Variants in ROBO1 observed in about 807,000 individuals in gnomAD.
The protein encoded by ROBO1 is roundabout homolog 1.
ROBO1 carries 149 observed loss-of-function variants against 195.9 expected under a neutral mutation model. That is an observed-to-expected ratio of 0.76 (90% CI 0.67 to 0.87). ROBO1 has a LOEUF of 0.87. ROBO1 is among the 40% of genes least tolerant of loss of function. The pLI is 0.00. For synonymous variants in ROBO1, 816 were observed against 733.2 expected (o/e 1.11, Z -1.82); for missense variants, 1,933 against 2,068.3 (o/e 0.93, Z 1.27).
chr3:79,625,422 T>TTAAAAAAAAAAAAAAAAAAAAAA (rs1945136215), intron 1 of ROBO1, among the ~76,000 whole-genome samples: 1 of 3,980 alleles, frequency 2.5e-4, no homozygotes, highest in Admixed American at 3.6e-3. Flanking sequence ...CTGTTTTTTT[T>TTAAAAAAAAAAAAAAAAAAAAAA]GAAAAAAAAA....
chr3:79,506,737 C>T (rs997049369), intron 2 of ROBO1, among the ~76,000 whole-genome samples: 5 of 152,080 alleles, frequency 3.3e-5, no homozygotes, highest in African/African-American at 1.2e-4. Flanking sequence ...GTCACTGTGC[C>T]CGGCTGAGAC....
chr3:79,100,811 G>T (rs137980817), intron 3 of ROBO1, among the ~76,000 whole-genome samples: 2 of 151,894 alleles, frequency 1.3e-5, no homozygotes, highest in East Asian at 3.9e-4. Flanking sequence ...AAGACTTCAA[G>T]ATAAGACTAT....
chr3:79,264,122 C>A (rs2082990557), intron 2 of ROBO1, among the ~76,000 whole-genome samples: 1 of 151,952 alleles, frequency 6.6e-6, no homozygotes, highest in African/African-American at 2.4e-5. Context: ...TGATGTTAGT[C>A]CAAGCTTTGT....
chr3:79,495,111 T>G (rs556279229), intron 2 of ROBO1, among the ~76,000 whole-genome samples: 1 of 152,298 alleles, frequency 6.6e-6, no homozygotes, highest in African/African-American at 2.4e-5. Context: ...AAAGCATGAT[T>G]ATATCTCTAG....
At chr3:78,642,059 C>A (rs973665715) in intron 21 of ROBO1, among the ~76,000 whole-genome samples, 1 of 151,836 alleles carries the variant, frequency 6.6e-6, no homozygotes, top group Non-Finnish European at 1.5e-5. Context: ...GTTCTAAGGT[C>A]TTTTTTTAAA....
intron 7 of ROBO1, among the ~76,000 whole-genome samples, chr3:78,715,472 C>T (rs1314506875): frequency 6.6e-6 from 1 of 152,140 alleles, no homozygotes; most frequent in Non-Finnish European, 1.5e-5. Flanking sequence ...AATCGTGTCC[C>T]TGCCACTAGC....
intron 1 of ROBO1, among the ~76,000 whole-genome samples, chr3:79,740,338 T>A (rs9309832): frequency 0.61 from 91,182 of 150,468 alleles, 27,850 homozygotes; most frequent in South Asian, 0.7. Flanking sequence ...CTTATGGGAA[T>A]CCATTAATAA....
intron 1 of ROBO1, among the ~76,000 whole-genome samples, chr3:79,620,908 G>A (rs963552426): frequency 7.2e-5 from 11 of 152,004 alleles, no homozygotes; most frequent in African/African-American, 2.7e-4. Flanking sequence ...TGTCCTACCT[G>A]TCCAGAAACT....
chr3:78,653,857 A>G (rs1324396660), intron 18 of ROBO1, among the ~76,000 whole-genome samples: 1 of 152,194 alleles, frequency 6.6e-6, no homozygotes, highest in African/African-American at 2.4e-5. Context: ...GCTGTCTGCC[A>G]GGATTAAAAA....
chr3:79,740,956 C>A (rs2107420794), intron 1 of ROBO1, among the ~76,000 whole-genome samples: 1 of 152,222 alleles, frequency 6.6e-6, no homozygotes, highest in South Asian at 2.1e-4. Context: ...TTGTGAAATA[C>A]TATTTTCTCT....
At chr3:79,533,609 C>T (rs887240864) in intron 2 of ROBO1, among the ~76,000 whole-genome samples, 43 of 152,160 alleles carry the variant, frequency 2.8e-4, no homozygotes, top group African/African-American at 8.9e-4. Context: ...CCTTTCTGCC[C>T]TTTAAGTGCA....
chr3:78,716,974 C>CA (rs2108070129), intron 7 of ROBO1, among the ~76,000 whole-genome samples: 1 of 152,074 alleles, frequency 6.6e-6, no homozygotes, highest in South Asian at 2.1e-4. Context: ...ACTACCAAAC[C>CA]AAAAAACTAG....
chr3:79,602,359 C>T (rs1944363683), intron 1 of ROBO1, among the ~76,000 whole-genome samples: 1 of 151,948 alleles, frequency 6.6e-6, no homozygotes, highest in Non-Finnish European at 1.5e-5. Context: ...AAAATTTTTT[C>T]TGACTGTCAA....
At chr3:78,622,065 C>T (rs1507416) in intron 26 of ROBO1, among the ~76,000 whole-genome samples, 152,164 of 152,296 alleles carry the variant, frequency 1, 76,016 homozygotes, top group Middle Eastern at 1. Flanking sequence ...TAAAGTTAAG[C>T]ATACCAATCA....
chr3:79,251,146 C>T (rs896919585), intron 2 of ROBO1, among the ~76,000 whole-genome samples: 4 of 151,930 alleles, frequency 2.6e-5, no homozygotes, highest in African/African-American at 9.7e-5. Context: ...AAGTGATAGA[C>T]AGAATTATAT....
At chr3:79,062,562 G>A (rs746819312) in intron 3 of ROBO1, among the ~76,000 whole-genome samples, 11 of 152,162 alleles carry the variant, frequency 7.2e-5, no homozygotes, top group East Asian at 1.9e-4. Context: ...TGTTTATTGC[G>A]GCATTATTCA....
intron 3 of ROBO1, among the ~76,000 whole-genome samples, chr3:79,098,959 T>C (rs1379050638): frequency 6.6e-6 from 1 of 151,718 alleles, no homozygotes; most frequent in African/African-American, 2.4e-5. Flanking sequence ...GGGTGATCAA[T>C]GTATTATATT....
intron 8 of ROBO1, among the ~76,000 whole-genome samples, chr3:78,711,487 CTT>C (rs1344279179): frequency 7.0e-6 from 1 of 143,402 alleles, no homozygotes; most frequent in Non-Finnish European, 1.5e-5. Context: ...CTCTCTCTCT[CTT>C]TCTTTCTTTT....
intron 5 of ROBO1, among the ~76,000 whole-genome samples, chr3:78,745,567 C>A (rs1047533093): frequency 6.6e-6 from 1 of 152,142 alleles, no homozygotes. Context: ...TTTCTTCGCT[C>A]TATTTCTCCC....
Sources: allele counts gnomAD v4.1 joint callset (sites outside exome capture counted in the v4.1 genomes callset), GRCh38; gene constraint gnomAD v4.1.1; transcripts MANE v1.5; gene names NCBI Gene and HGNC (gene_info 2026-07-23, HGNC 2026-07-21).